ASZ1: variants seen among roughly 807,000 people sequenced by gnomAD.
The protein encoded by ASZ1 is ankyrin repeat, SAM and basic leucine zipper domain-containing protein 1.
A neutral mutation model predicts 61.8 loss-of-function variants in ASZ1; 67 were observed. That is an observed-to-expected ratio of 1.08 (90% confidence interval 0.89 to 1.33). ASZ1 has a LOEUF of 1.33. Among genes scored for constraint, ASZ1 ranks in the 40% most tolerant of loss-of-function variants. ASZ1 has a pLI of 0.00. For synonymous variants in ASZ1, 193 were observed against 192.7 expected (o/e 1.00, Z -0.01); for missense variants, 577 against 554.5 (o/e 1.04, Z -0.41).
intron 4 of ASZ1, among the ~76,000 whole-genome samples, chr7:117,416,416 T>C (rs1029955349): frequency 3.3e-5 from 5 of 152,204 alleles, no homozygotes; most frequent in Non-Finnish European, 5.9e-5. Flanking sequence ...TTCTAAGCAA[T>C]TGATTTTCTG....
chr7:117,380,930 T>C (rs2116466324), intron 9 of ASZ1, 81 bp downstream of exon 9: 1 of 1,268,174 alleles, frequency 7.9e-7, no homozygotes, highest in South Asian at 1.3e-5. Flanking sequence ...AGCCCTGGCA[T>C]TTTAAAAAGA....
At chr7:117,420,311 C>T (rs376972408) in intron 3 of ASZ1, 37 bp from the exon 4 acceptor site, 11 of 1,419,634 alleles carry the variant, frequency 7.7e-6, no homozygotes, top group Admixed American at 1.7e-5. Context: ...AATCCCCATA[C>T]ATCAAGAGCA....
intron 2 of ASZ1, among the ~76,000 whole-genome samples, chr7:117,425,932 T>C (rs777998567): frequency 2.0e-5 from 3 of 151,596 alleles, no homozygotes; most frequent in African/African-American, 4.8e-5. Context: ...CAGATGGAGG[T>C]TGCAGTGAGC....
At chr7:117,394,521 ATATT>A (rs1327454280) in intron 4 of ASZ1, among the ~76,000 whole-genome samples, 1 of 152,140 alleles carries the variant, frequency 6.6e-6, no homozygotes, top group Non-Finnish European at 1.5e-5. Context: ...AAATGTATAT[ATATT>A]TATCTATTTG....
chr7:117,419,118 T>G (rs1468883143), intron 4 of ASZ1, among the ~76,000 whole-genome samples: 5 of 152,094 alleles, frequency 3.3e-5, no homozygotes, highest in Admixed American at 3.3e-4. Context: ...TAATTCTTTG[T>G]TTTGAGGGAT....
At chr7:117,366,356 T>C (rs1255642326) in intron 12 of ASZ1, among the ~76,000 whole-genome samples, 1 of 152,150 alleles carries the variant, frequency 6.6e-6, no homozygotes, top group African/African-American at 2.4e-5. Context: ...CAATCTATTT[T>C]GAAGAAAAGA....
At chr7:117,389,382 C>T (rs1796419485) in intron 4 of ASZ1, among the ~76,000 whole-genome samples, 1 of 152,142 alleles carries the variant, frequency 6.6e-6, no homozygotes, top group Admixed American at 6.5e-5. Flanking sequence ...GCATCCCAGC[C>T]TCAAAATGCA....
At chr7:117,367,765 TATTA>T in intron 11 of ASZ1, 1 of 957,150 alleles carries the variant, frequency 1.0e-6, no homozygotes, top group Non-Finnish European at 1.3e-6. Context: ...ATGATTCTCA[TATTA>T]ATTGATGTTA....
At chr7:117,423,647 C>G (rs1210665556) in intron 2 of ASZ1, among the ~76,000 whole-genome samples, 1 of 138,400 alleles carries the variant, frequency 7.2e-6, no homozygotes, top group Non-Finnish European at 1.5e-5. Flanking sequence ...TGATTGAGAC[C>G]ATCTTGGCTA....
rs75755881 is a variant in ASZ1, at chr7:117,389,346, A to T, written c.441-3537T>A. Among the ~76,000 whole-genome samples, 13 of 152,142 alleles carry T rather than the reference A, an allele frequency of 8.5e-5. 1 individual carries two copies. The East Asian group carries it at 2.3e-3, about 27-fold the overall frequency. On this transcript the variant is annotated intron_variant, in intron 4 of 12. Transcript: ENST00000284629. ...CCCCTCCTTGCCTCCTCCCCTTTGG[A>T]TTCTCTAGTGTCTATTTTTAACTGA...
chr7:117,406,163 A>T (rs1049222647), intron 4 of ASZ1, among the ~76,000 whole-genome samples: 3 of 152,258 alleles, frequency 2.0e-5, no homozygotes, highest in Non-Finnish European at 4.4e-5. Flanking sequence ...TGATAGCTTT[A>T]AAGTACCAAA....
chr7:117,374,665 A>G (rs960370837), intron 10 of ASZ1, among the ~76,000 whole-genome samples: 2 of 152,110 alleles, frequency 1.3e-5, no homozygotes, highest in Admixed American at 6.6e-5. Flanking sequence ...GATCTCTTAA[A>G]TCAACTAAAA....
chr7:117,366,169 C>T (rs1795932354), intron 12 of ASZ1, among the ~76,000 whole-genome samples: 1 of 152,012 alleles, frequency 6.6e-6, no homozygotes, highest in African/African-American at 2.4e-5. Flanking sequence ...GAGGCTGAGG[C>T]AGGAGAATTG....
chr7:117,375,398 A>T (rs1279087671), intron 10 of ASZ1, among the ~76,000 whole-genome samples: 2 of 152,126 alleles, frequency 1.3e-5, no homozygotes, highest in Admixed American at 1.3e-4. Flanking sequence ...CTGTTAACCT[A>T]AACTAAATAA....
rs937783251 is a variant in ASZ1, at chr7:117,381,071, T to C, written c.889-4A>G. On this transcript the variant is annotated splice_polypyrimidine_tract_variant and splice_region_variant and intron_variant, in intron 8 of 12. Transcript: ENST00000284629. ...GTCTTAACGTTATATCCCTTTCCTG[T>C]ATAAAAGGAAAAAAAGGCCACCTTT... 8 of 1,559,656 alleles carry C rather than the reference T, an allele frequency of 5.1e-6. No homozygotes were observed. Among genetic ancestry groups the C allele is most frequent in the African/African-American group, 2.8e-5 (2 of 72,230 alleles).
intron 12 of ASZ1, among the ~76,000 whole-genome samples, chr7:117,365,045 AAATAATATAAGCTT>A (rs923018659): frequency 2.0e-5 from 3 of 152,120 alleles, no homozygotes; most frequent in Non-Finnish European, 2.9e-5. Flanking sequence ...GTAAACTCTG[AAATAATATAAGCTT>A]AACAGGCATG....
chr7:117,395,211 CT>C (rs1465929431), intron 4 of ASZ1, among the ~76,000 whole-genome samples: 176 of 152,218 alleles, frequency 1.2e-3, no homozygotes, highest in Middle Eastern at 3.4e-3. Flanking sequence ...CCAGAGATAA[CT>C]TTTTTCTTTC....
intron 1 of ASZ1, 84 bp downstream of exon 1, chr7:117,427,269 TAGG>T: frequency 7.3e-7 from 1 of 1,366,162 alleles, no homozygotes; most frequent in Non-Finnish European, 1.0e-6. Flanking sequence ...CGTGAGGGAG[TAGG>T]AGGTTTCACG....
intron 4 of ASZ1, among the ~76,000 whole-genome samples, chr7:117,419,060 C>G (rs900082216): frequency 6.6e-6 from 1 of 152,262 alleles, no homozygotes; most frequent in Non-Finnish European, 1.5e-5. Flanking sequence ...CCTTCTCACA[C>G]TAGATCAGGG....
Sources: gnomAD v4.1 joint callset for allele counts (sites outside exome capture counted in the v4.1 genomes callset) on GRCh38, gnomAD v4.1.1 for gene constraint, MANE v1.5 for transcripts, NCBI Gene and HGNC (gene_info 2026-07-23, HGNC 2026-07-21) for gene names.